The following NRXN3 variants were observed in gnomAD, a reference collection of about 807,000 sequenced individuals.
NRXN3 encodes neurexin III.
A neutral mutation model predicts 137.6 loss-of-function variants in NRXN3; 32 were observed. The ratio of observed to expected loss-of-function variants is 0.23; its 90% CI spans 0.18 to 0.31. NRXN3 has a LOEUF of 0.31. Among genes scored for constraint, NRXN3 ranks in the 10% least tolerant of loss-of-function variants. NRXN3 has a pLI of 1.00. For synonymous variants in NRXN3, 798 were observed against 784.5 expected (o/e 1.02, Z -0.29); for missense variants, 1,574 against 2,062.5 (o/e 0.76, Z 4.59).
At chr14:78,792,055 A>G (rs541097719) in intron 8 of NRXN3, among the ~76,000 whole-genome samples, 2 of 152,168 alleles carry the variant, frequency 1.3e-5, no homozygotes, top group Admixed American at 6.6e-5. Flanking sequence ...ATAAAGTTAA[A>G]AAAAGGAAAA....
At position 79,680,313 on chromosome 14, in the gene NRXN3, A is replaced by G. The variant is rs533167799; in HGVS notation, c.3617-11860A>G. ...GGCGGGAAAATTGCTTGAGCCCAGG[A>G]GGTGAAGGTTGCAGGGAGCTAAGAT... On this transcript the variant is annotated intron_variant, in intron 17 of 20. Transcript: ENST00000335750. Among the ~76,000 whole-genome samples, 3 of 152,176 alleles carry G rather than the reference A, an allele frequency of 2.0e-5. No individual in the cohort carries two copies. In the East Asian group the frequency reaches 5.8e-4, roughly 30 times the overall value.
At chr14:79,422,211 A>C (rs561083793) in intron 15 of NRXN3, among the ~76,000 whole-genome samples, 1 of 125,678 alleles carries the variant, frequency 8.0e-6, no homozygotes, top group East Asian at 2.5e-4. Context: ...GATACATGCC[A>C]CCACCCCCAG....
intron 10 of NRXN3, among the ~76,000 whole-genome samples, chr14:78,862,816 G>A (rs1383060871): frequency 2.0e-5 from 3 of 152,136 alleles, no homozygotes; most frequent in Admixed American, 1.3e-4. Context: ...AAATTATAAA[G>A]TGGAATTTCA....
intron 6 of NRXN3, among the ~76,000 whole-genome samples, chr14:78,692,811 T>C (rs1445620886): frequency 6.6e-6 from 1 of 152,130 alleles, no homozygotes; most frequent in Non-Finnish European, 1.5e-5. Context: ...CCAGGCGCAG[T>C]GGCTCACGCC....
intron 15 of NRXN3, among the ~76,000 whole-genome samples, chr14:79,057,002 G>A (rs1273380369): frequency 6.6e-6 from 1 of 152,202 alleles, no homozygotes; most frequent in Admixed American, 6.5e-5. Flanking sequence ...CCCAAAGGCT[G>A]TCAGATTGCC....
At chr14:79,488,977 C>T (rs942817045) in intron 16 of NRXN3, among the ~76,000 whole-genome samples, 108 of 152,004 alleles carry the variant, frequency 7.1e-4, no homozygotes, top group African/African-American at 2.4e-3. Context: ...CCATACCTTA[C>T]CCATCAGTAC....
chr14:79,740,711 TTTATATATATATATATATA>T (rs1253237247), intron 19 of NRXN3, among the ~76,000 whole-genome samples: 8 of 14,916 alleles, frequency 5.4e-4, no homozygotes, highest in African/African-American at 2.2e-3. Flanking sequence ...CATTTAGTTT[TTTATATATATATATATATA>T]TATATATATA....
rs766656984 is a variant in NRXN3 at position 78,988,149 on chromosome 14, C to G, written c.3262+8C>G. On this transcript the variant is annotated splice_region_variant and intron_variant, in intron 15 of 20. Transcript: ENST00000335750. ...GAAACCAGTGCAATGATCGTAAGTA[C>G]AACAACCTTTCATACTGGAACTTTG... The G allele has an allele frequency of 1.9e-6, 3 of 1,613,688 alleles. No individual in the cohort carries two copies. Among genetic ancestry groups the G allele is most frequent in the Non-Finnish European group, 2.5e-6 (3 of 1,179,714 alleles).
At chr14:78,696,439 G>A (rs2098226828) in intron 6 of NRXN3, among the ~76,000 whole-genome samples, 1 of 151,948 alleles carries the variant, frequency 6.6e-6, no homozygotes, top group African/African-American at 2.4e-5. Context: ...ACCCTATGAG[G>A]TAAATGTACT....
chr14:79,855,245 T>A (rs1251159042), intron 20 of NRXN3, among the ~76,000 whole-genome samples: 1 of 152,252 alleles, frequency 6.6e-6, no homozygotes, highest in African/African-American at 2.4e-5. Context: ...CCTTATGTAC[T>A]TCAACATACA....
At chr14:79,506,907 A>T (rs1035043626) in intron 16 of NRXN3, among the ~76,000 whole-genome samples, 2 of 152,130 alleles carry the variant, frequency 1.3e-5, no homozygotes, top group African/African-American at 4.8e-5. Flanking sequence ...TTATATATCA[A>T]CTATGGAAAG....
intron 4 of NRXN3, among the ~76,000 whole-genome samples, chr14:78,378,816 C>T (rs2088438124): frequency 6.6e-6 from 1 of 151,896 alleles, no homozygotes; most frequent in Non-Finnish European, 1.5e-5. Context: ...AGAAAAACAA[C>T]CTAGAACATC....
At chr14:79,550,615 C>T (rs2097364316) in intron 16 of NRXN3, among the ~76,000 whole-genome samples, 1 of 152,118 alleles carries the variant, frequency 6.6e-6, no homozygotes, top group Non-Finnish European at 1.5e-5. Flanking sequence ...CCAGAGGTCC[C>T]CTGCACTGTG....
chr14:78,938,093 A>C (rs2099345551), intron 10 of NRXN3, among the ~76,000 whole-genome samples: 1 of 152,258 alleles, frequency 6.6e-6, no homozygotes, highest in Non-Finnish European at 1.5e-5. Context: ...TTAAATACAG[A>C]AAGGATGAAT....
At chr14:78,487,944 G>T (rs1369820999) in intron 4 of NRXN3, among the ~76,000 whole-genome samples, 5 of 151,834 alleles carry the variant, frequency 3.3e-5, no homozygotes, top group Admixed American at 3.3e-4. Context: ...GTGTGCTTTG[G>T]GCTGCCATAG....
rs1166904474 is a variant in NRXN3 at position 78,697,609 on chromosome 14, A to G, written c.1222-11608A>G. 1.3e-5 allele frequency among the ~76,000 whole-genome samples: 2 copies of G among 152,026 alleles called. 1 individual carries two copies. The highest frequency in any genetic ancestry group is 4.8e-5 in the African/African-American group (2 of 41,372). On this transcript the variant is annotated intron_variant, in intron 6 of 20. Coordinates refer to ENST00000335750, the MANE Select transcript of NRXN3 (RefSeq NM_001330195.2). The stretch of plus-strand genomic sequence containing the variant: ...TTTACTAAAGGTAATGCAAACTCAT[A>G]GGTAAAAGTATTAGGGCCTATATAC...
intron 4 of NRXN3, among the ~76,000 whole-genome samples, chr14:78,393,771 C>A (rs937064189): frequency 2.0e-5 from 3 of 151,906 alleles, no homozygotes; most frequent in African/African-American, 7.2e-5. Flanking sequence ...TTTATTAAGA[C>A]CTTCTTTGAT....
At chr14:79,688,183 C>G (rs1404567581) in intron 17 of NRXN3, among the ~76,000 whole-genome samples, 1 of 152,052 alleles carries the variant, frequency 6.6e-6, no homozygotes, top group Non-Finnish European at 1.5e-5. Context: ...AGAGTCGAGT[C>G]ATATTAATAA....
chr14:79,629,805 G>A (rs1271146197), intron 16 of NRXN3, among the ~76,000 whole-genome samples: 1 of 150,894 alleles, frequency 6.6e-6, no homozygotes, highest in Non-Finnish European at 1.5e-5. Flanking sequence ...TTTTGTGTGT[G>A]TGTATGTGCG....
Sources: allele counts gnomAD v4.1 joint callset (sites outside exome capture counted in the v4.1 genomes callset), GRCh38; gene constraint gnomAD v4.1.1; transcripts MANE v1.5; gene names NCBI Gene and HGNC (gene_info 2026-07-23, HGNC 2026-07-21).